Variants in ERBB4 observed in about 807,000 individuals in gnomAD.
ERBB4 encodes the protein erb-b2 receptor tyrosine kinase 4.
ERBB4 carries 42 observed loss-of-function variants against 158.0 expected under a neutral mutation model. The ratio of observed to expected loss-of-function variants is 0.27; its 90% CI spans 0.21 to 0.34. The LOEUF (loss-of-function observed/expected upper bound fraction) is 0.34. Among genes scored for constraint, ERBB4 ranks in the 10% least tolerant of loss-of-function variants. The probability of loss-of-function intolerance (pLI) is 1.00; values close to 1 mark genes in which losing one functional copy is unlikely to be tolerated. For missense variants in ERBB4, 1,333 were observed against 1,624.1 expected, an observed-to-expected ratio of 0.82 and a Z score of 3.08; for synonymous variants, 583 against 558.7, an observed-to-expected ratio of 1.04 and a Z score of -0.61.
intron 12 of ERBB4, among the ~76,000 whole-genome samples, chr2:211,690,806 C>T (rs2072785030): frequency 6.6e-6 from 1 of 152,158 alleles, no homozygotes; most frequent in African/African-American, 2.4e-5. Context: ...CAATGGCTTA[C>T]AGTTCAAAAG....
At chr2:212,328,276 T>C (rs935885157) in intron 1 of ERBB4, among the ~76,000 whole-genome samples, 3 of 152,038 alleles carry the variant, frequency 2.0e-5, no homozygotes, top group Non-Finnish European at 4.4e-5. Context: ...TATGGCCTCA[T>C]AGTAGTCAAA....
At chr2:211,866,631 A>AT (rs1306339088) in intron 3 of ERBB4, among the ~76,000 whole-genome samples, 1 of 152,192 alleles carries the variant, frequency 6.6e-6, no homozygotes, top group East Asian at 1.9e-4. Context: ...ATAAATGAAG[A>AT]TTTTAATAAA....
At chr2:211,838,629 T>C (rs908334159) in intron 3 of ERBB4, among the ~76,000 whole-genome samples, 1 of 152,170 alleles carries the variant, frequency 6.6e-6, no homozygotes, top group African/African-American at 2.4e-5. Context: ...TATGTGGGTA[T>C]GTCCAAAAAT....
At chr2:211,872,096 T>TAC (rs1553651727) in intron 3 of ERBB4, among the ~76,000 whole-genome samples, 4 of 151,732 alleles carry the variant, frequency 2.6e-5, no homozygotes, top group African/African-American at 9.7e-5. Flanking sequence ...GAATTATTAA[T>TAC]TTTCTAGACC....
chr2:211,428,610 C>A (rs2063685341), intron 21 of ERBB4, 127 bp from the exon 22 acceptor site: 3 of 504,614 alleles, frequency 5.9e-6, no homozygotes, highest in African/African-American at 5.9e-5. Flanking sequence ...ATAGATATAA[C>A]TATAACTATA....
intron 1 of ERBB4, among the ~76,000 whole-genome samples, chr2:212,389,901 G>A (rs1262748565): frequency 1.3e-5 from 2 of 151,408 alleles, no homozygotes; most frequent in African/African-American, 4.8e-5. Flanking sequence ...CTCATGTGCA[G>A]TTATAACTCA....
intron 3 of ERBB4, among the ~76,000 whole-genome samples, chr2:211,878,651 A>AGTTTT (rs1553653616): frequency 1.0e-3 from 30 of 29,110 alleles, no homozygotes; most frequent in African/African-American, 4.3e-3. Flanking sequence ...AGACAAATTA[A>AGTTTT]GTTTTGTTTT....
intron 2 of ERBB4, among the ~76,000 whole-genome samples, chr2:211,949,239 G>T (rs1179335582): frequency 6.6e-6 from 1 of 152,130 alleles, no homozygotes; most frequent in Non-Finnish European, 1.5e-5. Flanking sequence ...ATTCAGGCTA[G>T]CCAAGATATT....
chr2:211,982,944 G>A (rs1016099401), intron 2 of ERBB4, among the ~76,000 whole-genome samples: 8 of 152,086 alleles, frequency 5.3e-5, no homozygotes, highest in African/African-American at 1.7e-4. Context: ...TGGTTCAATG[G>A]TTGTAGCATC....
At chr2:211,699,850 AG>A (rs1225344777) in intron 12 of ERBB4, among the ~76,000 whole-genome samples, 1 of 152,146 alleles carries the variant, frequency 6.6e-6, no homozygotes, top group African/African-American at 2.4e-5. Context: ...AGTTTTAAAG[AG>A]GGGTGAAATA....
At chr2:211,949,910 T>C (rs1046976698) in intron 2 of ERBB4, among the ~76,000 whole-genome samples, 1 of 152,184 alleles carries the variant, frequency 6.6e-6, no homozygotes, top group African/African-American at 2.4e-5. Flanking sequence ...TCAGATTTAG[T>C]ATTCGTAACC....
intron 12 of ERBB4, among the ~76,000 whole-genome samples, chr2:211,688,725 AG>A (rs1366188603): frequency 6.6e-6 from 1 of 152,196 alleles, no homozygotes; most frequent in Non-Finnish European, 1.5e-5. Context: ...GATCCAAAAA[AG>A]CTGCTAAGCA....
At chr2:212,093,212 T>C (rs1357126) in intron 2 of ERBB4, among the ~76,000 whole-genome samples, 26,756 of 152,186 alleles carry the variant, frequency 0.18, 2,445 homozygotes, top group Non-Finnish European at 0.2. Context: ...CAGAGAATGA[T>C]TTATGTCATA....
chr2:211,992,439 G>T (rs1031886430), intron 2 of ERBB4, among the ~76,000 whole-genome samples: 1 of 151,836 alleles, frequency 6.6e-6, no homozygotes, highest in Non-Finnish European at 1.5e-5. Context: ...CCCACAACAT[G>T]TGGGAATTCT....
intron 2 of ERBB4, among the ~76,000 whole-genome samples, chr2:212,013,220 C>G (rs2076433767): frequency 6.6e-6 from 1 of 152,070 alleles, no homozygotes; most frequent in Non-Finnish European, 1.5e-5. Flanking sequence ...CAACGCCCAA[C>G]TAATTTTTGT....
At chr2:212,390,672 T>C (rs981927324) in intron 1 of ERBB4, among the ~76,000 whole-genome samples, 2 of 151,794 alleles carry the variant, frequency 1.3e-5, no homozygotes, top group Non-Finnish European at 3.0e-5. Flanking sequence ...TTTCTTCAAA[T>C]GGATTTATGA....
At chr2:211,478,856 A>T (rs1340505534) in intron 20 of ERBB4, among the ~76,000 whole-genome samples, 1 of 152,134 alleles carries the variant, frequency 6.6e-6, no homozygotes, top group African/African-American at 2.4e-5. Flanking sequence ...GGAAAAAAAC[A>T]TCTTCAAATG....
intron 5 of ERBB4, among the ~76,000 whole-genome samples, chr2:211,745,062 C>T (rs2074921975): frequency 6.6e-6 from 1 of 152,118 alleles, no homozygotes; most frequent in Non-Finnish European, 1.5e-5. Flanking sequence ...AGCATGTTTT[C>T]TGATTTTTTA....
chr2:212,098,185 C>T (rs573819447), intron 2 of ERBB4, among the ~76,000 whole-genome samples: 90 of 152,264 alleles, frequency 5.9e-4, no homozygotes, highest in Non-Finnish European at 6.9e-4. Context: ...GCTCCCTTCT[C>T]CAAGGGCCCC....
Sources: allele counts gnomAD v4.1 joint callset (sites outside exome capture counted in the v4.1 genomes callset), GRCh38; gene constraint gnomAD v4.1.1; transcripts MANE v1.5; gene names NCBI Gene and HGNC (gene_info 2026-07-23, HGNC 2026-07-21).